ATRNL1: variants seen among roughly 807,000 people sequenced by gnomAD.
ATRNL1 encodes attractin like 1.
A neutral mutation model predicts 182.7 loss-of-function variants in ATRNL1; 95 were observed. The ratio of observed to expected loss-of-function variants is 0.52; its 90% confidence interval spans 0.44 to 0.62. The LOEUF is 0.62. ATRNL1 is among the 20% of genes least tolerant of loss of function. The pLI, the probability that ATRNL1 is intolerant of heterozygous loss-of-function variation, is 0.00. For missense variants in ATRNL1, 1,471 were observed against 1,679.5 expected (o/e 0.88, Z 2.17); for synonymous variants, 576 against 568.3 (o/e 1.01, Z -0.19).
intron 19 of ATRNL1, among the ~76,000 whole-genome samples, chr10:115,389,159 T>G (rs1191618761): frequency 6.6e-6 from 1 of 152,082 alleles, no homozygotes; most frequent in Non-Finnish European, 1.5e-5. Context: ...GATCATGTAG[T>G]AGTTGTCTTT....
At chr10:115,755,377 G>T (rs782553636) in intron 27 of ATRNL1, among the ~76,000 whole-genome samples, 18 of 152,252 alleles carry the variant, frequency 1.2e-4, no homozygotes, top group Non-Finnish European at 1.9e-4. Context: ...TTTTTAGCAT[G>T]AAAGGCTGTT....
chr10:115,856,447 A>AAAAAAAAAAAAAAAAAAAAAAAAAC (rs1951188636), intron 28 of ATRNL1, among the ~76,000 whole-genome samples: 2 of 147,568 alleles, frequency 1.4e-5, no homozygotes, highest in Non-Finnish European at 3.0e-5. Context: ...AAAAAAAAAA[A>AAAAAAAAAAAAAAAAAAAAAAAAAC]AAAGCCATAC....
At chr10:115,784,655 T>C (rs1405391884) in intron 27 of ATRNL1, among the ~76,000 whole-genome samples, 1 of 152,196 alleles carries the variant, frequency 6.6e-6, no homozygotes, top group African/African-American at 2.4e-5. Flanking sequence ...CATGCCTCTC[T>C]CTTAGCTGTT....
intron 27 of ATRNL1, among the ~76,000 whole-genome samples, chr10:115,838,395 CA>C (rs1324029304): frequency 6.6e-6 from 1 of 152,062 alleles, no homozygotes; most frequent in Non-Finnish European, 1.5e-5. Context: ...ACACTGACAG[CA>C]ACAGGGAAGA....
At chr10:115,414,878 T>C (rs1845315354) in intron 20 of ATRNL1, among the ~76,000 whole-genome samples, 1 of 152,032 alleles carries the variant, frequency 6.6e-6, no homozygotes. Context: ...CATTTTTTTG[T>C]TCTGTTTTGT....
chr10:115,789,618 TA>T (rs1555081199), intron 27 of ATRNL1, among the ~76,000 whole-genome samples: 1 of 152,206 alleles, frequency 6.6e-6, no homozygotes, highest in Non-Finnish European at 1.5e-5. Context: ...CCAGAAGAAT[TA>T]ATGATTTAAC....
At chr10:115,620,912 C>T (rs1857699183) in intron 26 of ATRNL1, among the ~76,000 whole-genome samples, 1 of 151,992 alleles carries the variant, frequency 6.6e-6, no homozygotes, top group Admixed American at 6.6e-5. Flanking sequence ...TTGGGTAAAG[C>T]AGTTTTCATA....
intron 26 of ATRNL1, among the ~76,000 whole-genome samples, chr10:115,564,033 T>G (rs1853925305): frequency 2.0e-5 from 3 of 152,122 alleles, no homozygotes; most frequent in Admixed American, 2.0e-4. Context: ...CGACCTGTAC[T>G]GTCCTTATCT....
At chr10:115,525,070 C>T (rs946820171) in intron 25 of ATRNL1, among the ~76,000 whole-genome samples, 1 of 152,110 alleles carries the variant, frequency 6.6e-6, no homozygotes, top group Non-Finnish European at 1.5e-5. Context: ...GACTCAGTCA[C>T]CTGATTAGTT....
chr10:115,448,492 C>T (rs1847116282), intron 21 of ATRNL1, among the ~76,000 whole-genome samples: 1 of 152,084 alleles, frequency 6.6e-6, no homozygotes, highest in South Asian at 2.1e-4. Flanking sequence ...AAAGCTAAAA[C>T]ATACCAGAAT....
intron 28 of ATRNL1, among the ~76,000 whole-genome samples, chr10:115,942,660 C>A (rs1355405433): frequency 1.3e-5 from 2 of 152,206 alleles, no homozygotes; most frequent in African/African-American, 4.8e-5. Context: ...AGGATAAGAT[C>A]TGAAAATGAT....
At chr10:115,408,510 C>G (rs181202605) in intron 20 of ATRNL1, among the ~76,000 whole-genome samples, 20 of 152,280 alleles carry the variant, frequency 1.3e-4, no homozygotes, top group Admixed American at 5.2e-4. Context: ...GCAACCCATT[C>G]TGTGGATTGT....
chr10:115,199,255 C>T (rs1312456532), intron 8 of ATRNL1, among the ~76,000 whole-genome samples: 2 of 151,646 alleles, frequency 1.3e-5, no homozygotes, highest in African/African-American at 4.8e-5. Flanking sequence ...CAAGTATTTT[C>T]AGTTTTTTTA....
At chr10:115,496,978 C>T (rs1277481707) in intron 24 of ATRNL1, among the ~76,000 whole-genome samples, 1 of 152,120 alleles carries the variant, frequency 6.6e-6, no homozygotes, top group Non-Finnish European at 1.5e-5. Context: ...CTTTCTCTCC[C>T]TGTCTTTCAG....
rs1565334914 is a variant in ATRNL1, at chr10:115,738,125, G to GTTTTTTTTTTTTTTTT, written c.3903+10770_3903+10771insTTTTTTTTTTTTTTTT. ...CATAAAAAATGATTTAGAAGATAAT[G>GTTTTTTTTTTTTTTTT]ATTTTTTTTTTTTTTTTTTTTTTTT... is the stretch of plus-strand genomic sequence containing the variant. On this transcript the variant is annotated intron_variant, in intron 27 of 28. Transcript: ENST00000355044. 2.4e-4 allele frequency among the ~76,000 whole-genome samples: 13 copies of GTTTTTTTTTTTTTTTT among 53,150 alleles called. 1 individual carries two copies. Among genetic ancestry groups the GTTTTTTTTTTTTTTTT allele is most frequent in the African/African-American group, 5.1e-4 (9 of 17,480 alleles). The allele number at this position is 53,150 out of a possible 152,430, so 34.9% of individuals were successfully genotyped here.
At chr10:115,164,951 C>T (rs1228808628) in intron 6 of ATRNL1, among the ~76,000 whole-genome samples, 1 of 151,796 alleles carries the variant, frequency 6.6e-6, no homozygotes, top group East Asian at 1.9e-4. Flanking sequence ...TTGTATATTT[C>T]AAAATAGCTA....
intron 21 of ATRNL1, among the ~76,000 whole-genome samples, chr10:115,426,965 C>T (rs539014933): frequency 7.9e-5 from 12 of 152,218 alleles, no homozygotes; most frequent in African/African-American, 1.7e-4. Context: ...CCTCATGATC[C>T]GCCCACCTTG....
At chr10:115,167,227 T>C (rs1486815596) in intron 7 of ATRNL1, among the ~76,000 whole-genome samples, 1 of 150,228 alleles carries the variant, frequency 6.7e-6, no homozygotes, top group Non-Finnish European at 1.5e-5. Context: ...GTTTTTTTTT[T>C]CTGGACTCTC....
rs1953903895 is a variant in ATRNL1, at chr10:115,947,602, G to C, written c.*2823G>C. The C allele has an allele frequency of 6.6e-6, 1 of 152,600 alleles. No individual in the cohort carries two copies. Among genetic ancestry groups the C allele is most frequent in the Non-Finnish European group, 1.5e-5 (1 of 68,034 alleles). 9.5% of individuals were successfully genotyped at this position (152,600 alleles called of 1,614,324 possible). On this transcript the variant is annotated 3_prime_UTR_variant, in exon 29 of 29. Transcript: ENST00000355044. ...AAAATTTGTTTTAGTGATACACAGA[G>C]ATGCCGTATACTATAGTGTTATGTT...
Sources: gnomAD v4.1 joint callset for allele counts (sites outside exome capture counted in the v4.1 genomes callset) on GRCh38, gnomAD v4.1.1 for gene constraint, MANE v1.5 for transcripts, NCBI Gene and HGNC (gene_info 2026-07-23, HGNC 2026-07-21) for gene names.